Variants in LHPP observed in about 807,000 individuals in gnomAD.
LHPP encodes the protein hLHPP.
Under a neutral mutation model 30.3 loss-of-function variants are expected in LHPP, and 24 were observed. The ratio of observed to expected loss-of-function variants is 0.79; its 90% confidence interval spans 0.57 to 1.11. The LOEUF (loss-of-function observed/expected upper bound fraction) is 1.11. Among genes scored for constraint, LHPP ranks in the 50% most tolerant of loss-of-function variants. LHPP has a pLI of 0.00. For synonymous variants in LHPP, 150 were observed against 157.1 expected, an observed-to-expected ratio of 0.95 and a Z score of 0.34; for missense variants, 356 against 367.2, an observed-to-expected ratio of 0.97 and a Z score of 0.25.
chr10:124,586,313 G>A (rs1948803270), intron 6 of LHPP, among the ~76,000 whole-genome samples: 1 of 152,206 alleles, frequency 6.6e-6, no homozygotes, highest in South Asian at 2.1e-4. Flanking sequence ...GACCAATGAG[G>A]TTAGTCACCT....
chr10:124,552,246 T>C (rs1948181742), intron 6 of LHPP, among the ~76,000 whole-genome samples: 1 of 152,152 alleles, frequency 6.6e-6, no homozygotes, highest in Non-Finnish European at 1.5e-5. Context: ...CATTCTTAAA[T>C]TACCGGATCC....
intron 5 of LHPP, among the ~76,000 whole-genome samples, chr10:124,514,033 G>A (rs1255120434): frequency 1.3e-5 from 2 of 152,226 alleles, no homozygotes; most frequent in African/African-American, 4.8e-5. Context: ...TCAACCAAGT[G>A]CCAGTTGTCA....
chr10:124,603,221 G>A (rs190555229), intron 6 of LHPP, among the ~76,000 whole-genome samples: 39 of 152,292 alleles, frequency 2.6e-4, no homozygotes, highest in Middle Eastern at 6.8e-3. Context: ...GGAGGAAGGC[G>A]GGCACGGGTG....
chr10:124,467,211 G>C (rs375009541), intron 1 of LHPP, among the ~76,000 whole-genome samples: 163 of 152,142 alleles, frequency 1.1e-3, no homozygotes, highest in Non-Finnish European at 1.9e-3. Flanking sequence ...GGCAGGAGGT[G>C]GGGGGGCTTG....
intron 2 of LHPP, among the ~76,000 whole-genome samples, chr10:124,486,077 G>A (rs1953316159): frequency 6.6e-6 from 1 of 152,202 alleles, no homozygotes; most frequent in Admixed American, 6.5e-5. Context: ...TATCATTGGA[G>A]TTTGGTATTT....
In LHPP at chr10:124,495,829, C is replaced by T. The variant is rs1183650226; in HGVS notation, c.468-1132C>T. Among the ~76,000 whole-genome samples the T allele has an allele frequency of 2.0e-5, 3 of 152,138 alleles. No homozygotes were observed. In the East Asian group the frequency reaches 5.8e-4, roughly 29 times the overall value. Reference sequence around the variant, plus strand: ...GGTACCGAGTTAATAACTTTGCATGCGTTATTTTGTTCAAGCTTCACAGCA... The same window carrying T: ...GGTACCGAGTTAATAACTTTGCATGTGTTATTTTGTTCAAGCTTCACAGCA... On this transcript the variant is annotated intron_variant, in intron 3 of 6. Transcript: ENST00000368842.
At position 124,541,769 on chromosome 10, in the gene LHPP, G is replaced by A. The variant is rs1955196980; in HGVS notation, c.716+24498G>A. ...CTGGACACTGGGGAGGGCTCTAATGGTATTTGCACAAATTTGCAATGTTGG... is the reference window on the plus strand; with the variant it reads ...CTGGACACTGGGGAGGGCTCTAATGATATTTGCACAAATTTGCAATGTTGG... On this transcript the variant is annotated intron_variant, in intron 6 of 6. Transcript: ENST00000368842. The surrounding 1 kb of genome is among the most constrained non-coding windows in gnomAD (Gnocchi z 4.2). 6.6e-6 allele frequency among the ~76,000 whole-genome samples: 1 copy of A among 152,142 alleles called. No individual in the cohort carries two copies.
intron 6 of LHPP, chr10:124,554,026 C>T (rs539697421): frequency 1.0e-6 from 1 of 985,440 alleles, no homozygotes; most frequent in East Asian, 1.1e-4. Context: ...CGAGAGACTC[C>T]ACTGCAGATA....
At position 124,484,326 on chromosome 10, in the gene LHPP, G is replaced by T; in HGVS notation, c.313G>T (p.Gly105Ter). ...GCGACCATACCTGCTCATCCATGAC[G>T]GTAGGCCTGTCGGACACCAGGACCT... ...GLRPYLLIHD[G>*]VRSEFDQIDT... is the part of the protein sequence containing the mutation. Residue 105 changes from glycine (G) to a stop codon, truncating the protein, a stop_gained and splice_region_variant, in exon 2 of 7, where the codon GGA becomes TGA. Coordinates refer to ENST00000368842, the MANE Select transcript of LHPP (RefSeq NM_022126.4). LOFTEE classifies it high-confidence loss of function. 1 of 1,609,700 alleles carries T rather than the reference G, an allele frequency of 6.2e-7. No individual in the cohort carries two copies. Among genetic ancestry groups the T allele is most frequent in the Non-Finnish European group, 8.5e-7 (1 of 1,176,562 alleles).
chr10:124,513,462 CT>C (rs34225779), intron 5 of LHPP, among the ~76,000 whole-genome samples: 30 of 92,212 alleles, frequency 3.3e-4, no homozygotes, highest in African/African-American at 1.2e-3. Context: ...ATTATTATTA[CT>C]TTTTTTTTTT....
intron 3 of LHPP, chr10:124,489,700 C>T (rs1953460254): frequency 6.4e-6 from 1 of 156,734 alleles, no homozygotes; most frequent in Admixed American, 6.5e-5. Flanking sequence ...GATCCGCCCG[C>T]CTTGGCCTCC....
intron 1 of LHPP, among the ~76,000 whole-genome samples, chr10:124,483,008 A>G (rs559216867): frequency 6.6e-6 from 1 of 152,292 alleles, no homozygotes; most frequent in Non-Finnish European, 1.5e-5. Flanking sequence ...GCTCAGTGAC[A>G]GTTTGCAGAA....
chr10:124,519,833 C>G (rs2362487), intron 6 of LHPP, among the ~76,000 whole-genome samples: 34,047 of 151,418 alleles, frequency 0.22, 3,915 homozygotes, highest in Middle Eastern at 0.36. Context: ...TTCTTTGTTT[C>G]TTTCTTTTTT....
At chr10:124,492,890 C>G (rs1373158624) in intron 3 of LHPP, among the ~76,000 whole-genome samples, 1 of 152,096 alleles carries the variant, frequency 6.6e-6, no homozygotes, top group African/African-American at 2.4e-5. Flanking sequence ...ACACTTTTTT[C>G]TTTAAAGATG....
intron 1 of LHPP, among the ~76,000 whole-genome samples, chr10:124,469,644 T>C (rs545742824): frequency 6.6e-6 from 1 of 152,100 alleles, no homozygotes; most frequent in Non-Finnish European, 1.5e-5. Context: ...ATTCCTTTTT[T>C]ATTTTTTTTT....
intron 1 of LHPP, among the ~76,000 whole-genome samples, chr10:124,469,276 C>T (rs1589752627): frequency 6.6e-6 from 1 of 152,102 alleles, no homozygotes; most frequent in Non-Finnish European, 1.5e-5. Flanking sequence ...CTGGCAGCAT[C>T]GTCCGTTCTC....
intron 1 of LHPP, among the ~76,000 whole-genome samples, chr10:124,468,470 A>G (rs1952625983): frequency 6.6e-6 from 1 of 152,130 alleles, no homozygotes; most frequent in Admixed American, 6.5e-5. Flanking sequence ...AGGTTTTGTT[A>G]TTGTGCTGTC....
At chr10:124,516,962 A>G (rs958602465) in intron 5 of LHPP, among the ~76,000 whole-genome samples, 7 of 152,134 alleles carry the variant, frequency 4.6e-5, no homozygotes, top group African/African-American at 1.7e-4. Flanking sequence ...TTGCACAGAT[A>G]TATACTGTTC....
chr10:124,537,242 G>A (rs78514374), intron 6 of LHPP, among the ~76,000 whole-genome samples: 10,446 of 152,296 alleles, frequency 0.069, 410 homozygotes, highest in East Asian at 0.12. Context: ...CCCAGCCACC[G>A]TCCAGCTACC....
Sources: gnomAD v4.1 joint callset for allele counts (sites outside exome capture counted in the v4.1 genomes callset) on GRCh38, gnomAD v4.1.1 for gene constraint, Gnocchi (gnomAD v3.1) non-coding constraint, MANE v1.5 for transcripts, NCBI Gene and HGNC (gene_info 2026-07-23, HGNC 2026-07-21) for gene names.